The following ZC3H3 variants were observed in gnomAD, a reference collection of about 807,000 sequenced individuals.
ZC3H3 encodes the protein zinc finger CCCH-type containing 3, also known as zinc finger CCCH domain-containing protein 3.
A neutral mutation model predicts 77.3 loss-of-function variants in ZC3H3; 36 were observed. The ratio of observed to expected loss-of-function variants is 0.47; its 90% CI spans 0.36 to 0.61. The LOEUF is 0.61. Ranked by LOEUF, ZC3H3 falls within the 20% of genes least tolerant of loss-of-function variation. The pLI, the probability that ZC3H3 is intolerant of heterozygous loss-of-function variation, is 0.00. For synonymous variants in ZC3H3, 626 were observed against 555.2 expected, an observed-to-expected ratio of 1.13 and a Z score of -1.79; for missense variants, 1,331 against 1,312.2, an observed-to-expected ratio of 1.01 and a Z score of -0.22.
rs149793922 is a variant in ZC3H3 at position 143,502,232 on chromosome 8, G to T, written c.1715+5514C>A. Among the ~76,000 whole-genome samples the T allele has an allele frequency of 6.8e-3, 1,030 of 152,376 alleles. 3 individuals carry two copies. Among genetic ancestry groups the T allele is most frequent in the African/African-American group, 0.022 (918 of 41,578 alleles). On this transcript the variant is annotated intron_variant, in intron 4 of 11. Coordinates refer to ENST00000262577, the MANE Select transcript of ZC3H3 (RefSeq NM_015117.3). The stretch of plus-strand genomic sequence containing the variant: ...CTGAAGCCCCAGTCTGTGCTACTGT[G>T]TGACACGGCCCCAGCCGACGAAGAC...
intron 9 of ZC3H3, among the ~76,000 whole-genome samples, chr8:143,448,364 C>T (rs1225753506): frequency 5.3e-5 from 8 of 150,998 alleles, no homozygotes; most frequent in African/African-American, 1.9e-4. Flanking sequence ...AAAATCAAAA[C>T]AAGTTAGTGA....
intron 4 of ZC3H3, among the ~76,000 whole-genome samples, chr8:143,486,820 CAG>C (rs1426714947): frequency 5.0e-5 from 7 of 140,918 alleles, no homozygotes; most frequent in African/African-American, 8.3e-5. Context: ...CCACGAAGCT[CAG>C]ACACAGAACA....
At chr8:143,457,104 G>GT (rs1820142070) in intron 9 of ZC3H3, among the ~76,000 whole-genome samples, 1 of 152,144 alleles carries the variant, frequency 6.6e-6, no homozygotes, top group African/African-American at 2.4e-5. Context: ...AGCTCTATTA[G>GT]ACATTTACAG....
chr8:143,475,730 AC>A, intron 4 of ZC3H3, 145 bp from the exon 5 acceptor site: 3 of 952,228 alleles, frequency 3.2e-6, no homozygotes, highest in Non-Finnish European at 4.5e-6. Flanking sequence ...CAGCTGGGTG[AC>A]CACGGGCCAT....
At chr8:143,440,503 C>T (rs1390248656) in intron 10 of ZC3H3, 140 bp from the exon 11 acceptor site, 6 of 1,405,022 alleles carry the variant, frequency 4.3e-6, no homozygotes, top group Non-Finnish European at 9.2e-7. Context: ...CAGGTCAGGC[C>T]TGGCCCTTGG....
intron 5 of ZC3H3, 130 bp downstream of exon 5, chr8:143,475,268 C>T: frequency 8.4e-7 from 1 of 1,187,154 alleles, no homozygotes. Flanking sequence ...ACCTCCTCCC[C>T]AAGACAGGGG....
intron 9 of ZC3H3, among the ~76,000 whole-genome samples, chr8:143,453,162 C>T (rs1820029918): frequency 6.6e-6 from 1 of 152,186 alleles, no homozygotes; most frequent in African/African-American, 2.4e-5. Context: ...ACTGCAGCCT[C>T]GACCTCCAGG....
At chr8:143,456,207 A>G (rs1820118487) in intron 9 of ZC3H3, among the ~76,000 whole-genome samples, 1 of 152,128 alleles carries the variant, frequency 6.6e-6, no homozygotes, top group South Asian at 2.1e-4. Flanking sequence ...AAAAGTGTTC[A>G]AGTAACCCAT....
Position 143,530,204 on chromosome 8 carries a change from C to T in ZC3H3, c.1561+6053G>A, listed in dbSNP as rs1000026970. ...CCACGCAAGCCAGGCCCTTTCTGTC[C>T]ACCACAGGTGTGCCCAGGACCTGCC... On this transcript the variant is annotated intron_variant, in intron 3 of 11. Transcript: ENST00000262577. This position sits in a 1 kb window ranked among gnomAD's most constrained non-coding sequence, Gnocchi z 4.3. Among the ~76,000 whole-genome samples the T allele has an allele frequency of 2.0e-5, 3 of 152,102 alleles. No individual in the cohort carries two copies. Among genetic ancestry groups the T allele is most frequent in the African/African-American group, 7.2e-5 (3 of 41,428 alleles).
intron 3 of ZC3H3, among the ~76,000 whole-genome samples, chr8:143,527,026 GACC>G (rs971445730): frequency 1.3e-5 from 2 of 152,136 alleles, no homozygotes; most frequent in Admixed American, 1.3e-4. Flanking sequence ...GTGGGAGGAG[GACC>G]AGGCCAGCAG....
rs766132882 is a variant in ZC3H3 at position 143,538,342 on chromosome 8, G to T, written c.1025C>A (p.Ala342Asp). ...CTTCTCCACCTTGTTTGCCATGCCA[G>T]CAGAGGCCTTGCACACATTCTCTGC... ...VAAENVCKAS[A>D]GMANKVEKPQ... Residue 342 changes from alanine to aspartate, a missense_variant, in exon 2 of 12, where the codon GCT becomes GAT. This residue lies in a region of ZC3H3 where 978 missense variants were observed against 915.5 expected (regional missense o/e 1.07). Transcript: ENST00000262577. 6 of 1,612,918 alleles carry T rather than the reference G, an allele frequency of 3.7e-6. No homozygotes were observed. Among genetic ancestry groups the T allele is most frequent in the Non-Finnish European group, 2.5e-6 (3 of 1,180,052 alleles).
intron 9 of ZC3H3, among the ~76,000 whole-genome samples, chr8:143,459,483 A>C (rs1820201955): frequency 6.6e-6 from 1 of 152,094 alleles, no homozygotes; most frequent in Admixed American, 6.5e-5. Flanking sequence ...TGGGAGGCGG[A>C]GTTTACAGTG....
rs765318840 is a variant in ZC3H3, at chr8:143,440,324, G to A, written c.2532C>T (p.Pro844=). The change falls in exon 11 of 12, where the codon CCC becomes CCT. Residue 844 remains proline, a synonymous_variant. Coordinates refer to ENST00000262577, the MANE Select transcript of ZC3H3 (RefSeq NM_015117.3). ...CAGCCGCAGTGAGGGCAGCCGAGCT[G>A]GGCGTCTGCCTGGTGGGGCGCTGGG... ...SASQRPTRQT[P]SSAALTAAAV... The A allele has an allele frequency of 3.2e-6, 5 of 1,547,418 alleles. No homozygotes were observed. The East Asian group carries it at 1.1e-4, about 35-fold the overall frequency.
chr8:143,525,870 C>A (rs1217619753), intron 3 of ZC3H3, among the ~76,000 whole-genome samples: 2 of 152,248 alleles, frequency 1.3e-5, no homozygotes, highest in East Asian at 1.9e-4. Flanking sequence ...CTGCACCACT[C>A]TCCCAGGAGG....
At chr8:143,447,912 T>C (rs1819898655) in intron 9 of ZC3H3, among the ~76,000 whole-genome samples, 1 of 152,126 alleles carries the variant, frequency 6.6e-6, no homozygotes, top group South Asian at 2.1e-4. Flanking sequence ...GTGGATTGCC[T>C]GAGGTCAGGA....
rs1157843879 is a variant in ZC3H3, at chr8:143,538,899, G to C, written c.468C>G (p.Asp156Glu). The C allele has an allele frequency of 6.2e-6, 10 of 1,612,780 alleles. No homozygotes were observed. The highest frequency in any genetic ancestry group is 1.3e-5 in the African/African-American group (1 of 74,952). Residue 156 changes from aspartate (D) to glutamate (E), a missense_variant, in exon 2 of 12, where the codon GAC (aspartate) becomes GAG (glutamate). Physicochemically the swap from Asp to Glu is conservative, Grantham distance 45. Around this residue, in one of 3 missense-constraint regions of ZC3H3, gnomAD observed 978 missense variants for 915.5 expected, o/e 1.07. Coordinates refer to ENST00000262577, the MANE Select transcript of ZC3H3 (RefSeq NM_015117.3). ...CACCTTCACCTTCCCGGGGCCTTTGGTCACTCCAGGGGGTTTCCTCAAATT... is the reference window on the plus strand; with the variant it reads ...CACCTTCACCTTCCCGGGGCCTTTGCTCACTCCAGGGGGTTTCCTCAAATT... ...LEEFEETPWS[D>E]QRPREGEGEP... is the part of the protein sequence containing the mutation.
At position 143,482,432 on chromosome 8, in the gene ZC3H3, G is replaced by C. The variant is rs371976; in HGVS notation, c.1716-6847C>G. On this transcript the variant is annotated intron_variant, in intron 4 of 11. Transcript: ENST00000262577. ...GTGTGTTGCGAGAACACACCCAAGT[G>C]TGTGCCACCCTGGGGCTCCCAGGAC... Among the ~76,000 whole-genome samples the C allele has an allele frequency of 9.5e-3, 1,445 of 152,318 alleles. 16 individuals carry two copies. The highest frequency in any genetic ancestry group is 0.033 in the African/African-American group (1,358 of 41,576).
chr8:143,499,104 T>C (rs1821448315), intron 4 of ZC3H3, among the ~76,000 whole-genome samples: 1 of 152,084 alleles, frequency 6.6e-6, no homozygotes, highest in Non-Finnish European at 1.5e-5. Context: ...CCAGGACCAC[T>C]GCCAAGCCCA....
chr8:143,531,186 C>G (rs1822594031), intron 3 of ZC3H3, among the ~76,000 whole-genome samples: 1 of 152,262 alleles, frequency 6.6e-6, no homozygotes, highest in African/African-American at 2.4e-5. Context: ...TCTTGACCTC[C>G]TGGGTTCAAG....
Sources: allele counts gnomAD v4.1 joint callset (sites outside exome capture counted in the v4.1 genomes callset), GRCh38; gene constraint gnomAD v4.1.1; regional missense constraint gnomAD v4.1.1; non-coding constraint Gnocchi (gnomAD v3.1); transcripts MANE v1.5; gene names NCBI Gene and HGNC (gene_info 2026-07-23, HGNC 2026-07-21).